Variants in TXNDC16 observed in about 807,000 individuals in gnomAD.
TXNDC16 encodes thioredoxin domain-containing protein 16.
Under a neutral mutation model 85.6 loss-of-function variants are expected in TXNDC16, and 74 were observed. The ratio of observed to expected loss-of-function variants is 0.86; its 90% confidence interval spans 0.72 to 1.05. The LOEUF (loss-of-function observed/expected upper bound fraction) is 1.05. Ranked by LOEUF, TXNDC16 falls within the 50% of genes least tolerant of loss-of-function variation. The pLI, the probability that TXNDC16 is intolerant of heterozygous loss-of-function variation, is 0.00. For synonymous variants in TXNDC16, 335 were observed against 326.5 expected, an observed-to-expected ratio of 1.03 and a Z score of -0.28; for missense variants, 959 against 947.0, an observed-to-expected ratio of 1.01 and a Z score of -0.17.
chr14:52,481,358 A>T (rs1022981990), intron 14 of TXNDC16, among the ~76,000 whole-genome samples: 3 of 152,104 alleles, frequency 2.0e-5, no homozygotes, highest in Admixed American at 6.6e-5. Context: ...ATAAAAAAAA[A>T]TTTTAAAAAA....
intron 9 of TXNDC16, among the ~76,000 whole-genome samples, chr14:52,502,364 A>C (rs1260831676): frequency 6.6e-6 from 1 of 152,246 alleles, no homozygotes; most frequent in East Asian, 1.9e-4. Context: ...TTGAGTGAAC[A>C]GTGGTTAGAG....
chr14:52,438,026 T>G (rs2035072217), intron 20 of TXNDC16, among the ~76,000 whole-genome samples: 1 of 152,128 alleles, frequency 6.6e-6, no homozygotes, highest in South Asian at 2.1e-4. Flanking sequence ...AGAACTAGAA[T>G]TAGAAGTGGT....
intron 20 of TXNDC16, 54 bp from the exon 21 acceptor site, chr14:52,432,641 T>A: frequency 3.5e-6 from 5 of 1,419,494 alleles, no homozygotes; most frequent in Non-Finnish European, 4.7e-6. Flanking sequence ...AATCGTCACA[T>A]CAACATATTA....
intron 5 of TXNDC16, 46 bp from the exon 6 acceptor site, chr14:52,536,839 T>G: frequency 6.9e-7 from 1 of 1,458,026 alleles, no homozygotes; most frequent in Admixed American, 1.9e-5. Flanking sequence ...ATACAAAAAA[T>G]ATTTCCTTAG....
At chr14:52,440,793 T>A in intron 18 of TXNDC16, 69 bp from the exon 19 acceptor site, 1 of 1,392,200 alleles carries the variant, frequency 7.2e-7, no homozygotes, top group Non-Finnish European at 9.8e-7. Context: ...ACAGAAGACA[T>A]TCAAATCACT....
At chr14:52,494,958 T>A (rs2036497668) in intron 9 of TXNDC16, among the ~76,000 whole-genome samples, 1 of 152,182 alleles carries the variant, frequency 6.6e-6, no homozygotes, top group African/African-American at 2.4e-5. Context: ...TACATCTAAT[T>A]AACAGTTAGA....
At chr14:52,530,635 A>G (rs1248467852) in intron 6 of TXNDC16, among the ~76,000 whole-genome samples, 1 of 112,274 alleles carries the variant, frequency 8.9e-6, no homozygotes, top group Non-Finnish European at 1.7e-5. Context: ...ATATACATAT[A>G]TATAAAAAAT....
At chr14:52,475,647 C>G (rs912694767) in intron 14 of TXNDC16, among the ~76,000 whole-genome samples, 6 of 152,084 alleles carry the variant, frequency 3.9e-5, no homozygotes, top group African/African-American at 1.4e-4. Context: ...CCCTCATCCC[C>G]CACAGCAGAC....
intron 4 of TXNDC16, among the ~76,000 whole-genome samples, chr14:52,540,312 A>G (rs1388495675): frequency 6.6e-6 from 1 of 152,188 alleles, no homozygotes. Context: ...CAAAAATCAA[A>G]TATAGGCTTT....
chr14:52,508,160 T>C (rs1169564921), intron 9 of TXNDC16, among the ~76,000 whole-genome samples: 1 of 152,170 alleles, frequency 6.6e-6, no homozygotes, highest in Non-Finnish European at 1.5e-5. Flanking sequence ...TTTTGCAATC[T>C]ACTCATCTGA....
chr14:52,436,832 C>CATATAT (rs1195676665), intron 20 of TXNDC16, among the ~76,000 whole-genome samples: 1 of 151,868 alleles, frequency 6.6e-6, no homozygotes, highest in Non-Finnish European at 1.5e-5. Context: ...TACGTACACA[C>CATATAT]ATACATACAT....
chr14:52,490,725 T>C lies in TXNDC16; in HGVS notation c.923+114A>G, dbSNP rs890251528. The C allele has an allele frequency of 1.5e-5, 17 of 1,168,726 alleles. No homozygotes were observed. In the African/African-American group the frequency reaches 2.7e-4, roughly 19 times the overall value. 72.4% of individuals were successfully genotyped at this position (1,168,726 alleles called of 1,614,324 possible). A position where few individuals can be genotyped will look rare whatever the true frequency, so the allele number is the denominator to read the frequency against. On this transcript the variant is annotated intron_variant, in intron 10 of 20. Transcript: ENST00000281741. ...AGCTCAGCAACTAGTTCTAACTATA[T>C]TGGAATCTATTAGAGATTTGAGTTT...
At chr14:52,450,853 TTATATATATATA>T (rs71125107) in intron 18 of TXNDC16, among the ~76,000 whole-genome samples, 68,149 of 145,086 alleles carry the variant, frequency 0.47, 15,961 homozygotes, top group East Asian at 0.61. Flanking sequence ...AAAATGTGTT[TTATATATATATA>T]TATATATATA....
At chr14:52,515,413 C>A (rs897256954) in intron 7 of TXNDC16, among the ~76,000 whole-genome samples, 3 of 151,614 alleles carry the variant, frequency 2.0e-5, no homozygotes, top group Admixed American at 1.3e-4. Flanking sequence ...GTGGTAGATT[C>A]TTTCCAGTAG....
chr14:52,551,932 A>G (rs1479234338), intron 1 of TXNDC16, among the ~76,000 whole-genome samples: 1 of 150,516 alleles, frequency 6.6e-6, no homozygotes, highest in Non-Finnish European at 1.5e-5. Context: ...CCCAAATTCT[A>G]CGTTTGAAAG....
chr14:52,471,432 T>C (rs567550800), intron 14 of TXNDC16, among the ~76,000 whole-genome samples: 41 of 152,292 alleles, frequency 2.7e-4, no homozygotes, highest in Admixed American at 5.2e-4. Context: ...GGTACCAGCT[T>C]ACCCCCACCA....
At chr14:52,445,884 C>A (rs2035271104) in intron 18 of TXNDC16, among the ~76,000 whole-genome samples, 1 of 152,166 alleles carries the variant, frequency 6.6e-6, no homozygotes, top group African/African-American at 2.4e-5. Flanking sequence ...CCTATCGATG[C>A]ATTTCTCAGA....
chr14:52,497,439 T>A (rs2036557451), intron 9 of TXNDC16, among the ~76,000 whole-genome samples: 1 of 152,168 alleles, frequency 6.6e-6, no homozygotes, highest in Admixed American at 6.5e-5. Context: ...CTTCCAAAAA[T>A]TCAAAGAGGT....
At chr14:52,543,678 A>AAATG in intron 2 of TXNDC16, 48 bp from the exon 3 acceptor site, 1 of 1,096,422 alleles carries the variant, frequency 9.1e-7, no homozygotes, top group Non-Finnish European at 1.3e-6. Context: ...TGAATTTGTT[A>AAATG]AATGAATGAA....
Sources: allele counts gnomAD v4.1 joint callset (sites outside exome capture counted in the v4.1 genomes callset), GRCh38; gene constraint gnomAD v4.1.1; transcripts MANE v1.5; gene names NCBI Gene and HGNC (gene_info 2026-07-23, HGNC 2026-07-21).